Variants in PSMF1 observed in about 807,000 individuals in gnomAD.
PSMF1 encodes proteasome inhibitor PI31 subunit.
A neutral mutation model predicts 29.3 loss-of-function variants in PSMF1; 30 were observed. The observed-to-expected ratio is 1.02, with a 90% confidence interval of 0.77 to 1.39. The LOEUF (loss-of-function observed/expected upper bound fraction) is 1.39. Among genes scored for constraint, PSMF1 ranks in the 40% most tolerant of loss-of-function variants. PSMF1 has a pLI of 0.00. For missense variants in PSMF1, 344 were observed against 357.5 expected, an observed-to-expected ratio of 0.96 and a Z score of 0.31; for synonymous variants, 134 against 139.7, an observed-to-expected ratio of 0.96 and a Z score of 0.29.
chr20:1,116,414 T>C (rs2086012418), upstream of PSMF1, among the ~76,000 whole-genome samples: 1 of 152,178 alleles, frequency 6.6e-6, no homozygotes, highest in South Asian at 2.1e-4. Context: ...CATGCACTCT[T>C]CCTCAGACCT....
chr20:1,146,911 AG>A (rs1346794898), intron 4 of PSMF1, among the ~76,000 whole-genome samples: 2 of 152,352 alleles, frequency 1.3e-5, no homozygotes, highest in Non-Finnish European at 2.9e-5. Flanking sequence ...AAAAATATTC[AG>A]TGGATGCCCA....
At chr20:1,133,509 A>AT (rs1166838526) in intron 3 of PSMF1, among the ~76,000 whole-genome samples, 2 of 136,278 alleles carry the variant, frequency 1.5e-5, no homozygotes, top group Admixed American at 7.7e-5. Context: ...TTTGTTGAGG[A>AT]TTTTTTTTGT....
rs1483263981 is a variant in PSMF1 at position 1,122,282 on chromosome 20, T to C, written c.130-3216T>C. On this transcript the variant is annotated intron_variant, in intron 1 of 6. Transcript: ENST00000335877. Reference sequence around the variant, plus strand: ...CAGGCCTTAGAGTTTTCTTTTCTTTTTCTTTTTCTTTTCTTTTTTTTTTTT... The same window carrying C: ...CAGGCCTTAGAGTTTTCTTTTCTTTCTCTTTTTCTTTTCTTTTTTTTTTTT... Among the ~76,000 whole-genome samples the C allele has an allele frequency of 2.9e-5, 4 of 136,552 alleles. No homozygotes were observed. In the East Asian group the frequency reaches 8.1e-4, roughly 28 times the overall value. The allele number at this position is 136,552 out of a possible 152,430, so 89.6% of individuals were successfully genotyped here.
chr20:1,125,826 A>C (rs569269682), intron 2 of PSMF1, 176 bp downstream of exon 2: 25 of 846,324 alleles, frequency 3.0e-5, no homozygotes, highest in Non-Finnish European at 1.2e-5. Context: ...ACCTTCGTGC[A>C]CAAAGGTATC....
intron 3 of PSMF1, among the ~76,000 whole-genome samples, chr20:1,129,579 C>T (rs930152977): frequency 2.0e-5 from 3 of 152,224 alleles, no homozygotes; most frequent in African/African-American, 7.2e-5. Context: ...TTGGACCAGT[C>T]TTTCAGACAT....
At chr20:1,125,367 A>T in intron 1 of PSMF1, 131 bp from the exon 2 acceptor site, 1 of 999,130 alleles carries the variant, frequency 1.0e-6, no homozygotes, top group South Asian at 2.0e-5. Context: ...ATCTTGGGCA[A>T]GTCATTTCTC....
At position 1,135,399 on chromosome 20, in the gene PSMF1, C is replaced by T. The variant is rs769355681; in HGVS notation, c.551+93C>T. Reference sequence around the variant, plus strand: ...CTGCCACTTGACCCCATCCCTGGCCCGTATGTGTTTTCAACAAAATGATCA... The same window carrying T: ...CTGCCACTTGACCCCATCCCTGGCCTGTATGTGTTTTCAACAAAATGATCA... On this transcript the variant is annotated intron_variant, in intron 4 of 6. Transcript: ENST00000335877. 26 of 1,311,898 alleles carry T rather than the reference C, an allele frequency of 2.0e-5. No individual in the cohort carries two copies. In the South Asian group the frequency reaches 2.5e-4, roughly 13 times the overall value. The allele number at this position is 1,311,898 out of a possible 1,614,324, so 81.3% of individuals were successfully genotyped here. A position where few individuals can be genotyped will look rare whatever the true frequency, so the allele number is the denominator to read the frequency against.
chr20:1,159,347 G>C (rs1407039410), intron 4 of PSMF1, among the ~76,000 whole-genome samples: 1 of 151,804 alleles, frequency 6.6e-6, no homozygotes, highest in Non-Finnish European at 1.5e-5. Flanking sequence ...GGCCTTTAGA[G>C]ACATGGTTTT....
chr20:1,131,605 C>A (rs1019276941), intron 3 of PSMF1, among the ~76,000 whole-genome samples: 1 of 152,236 alleles, frequency 6.6e-6, no homozygotes, highest in African/African-American at 2.4e-5. Flanking sequence ...CTATGCCTTT[C>A]AGCCATAGCT....
intron 3 of PSMF1, among the ~76,000 whole-genome samples, chr20:1,130,921 T>C (rs1330801428): frequency 6.6e-6 from 1 of 152,262 alleles, no homozygotes; most frequent in Non-Finnish European, 1.5e-5. Flanking sequence ...TTAGGGTTGG[T>C]CTTCCCTCCT....
In PSMF1 at chr20:1,125,653, G is replaced by A. The variant is rs200665496; in HGVS notation, c.282+3G>A. On this transcript the variant is annotated splice_donor_region_variant and intron_variant, in intron 2 of 6. Coordinates refer to ENST00000335877, the MANE Select transcript of PSMF1 (RefSeq NM_006814.5). ...GCAGCATGATCCTCAATGTGCTGGT[G>A]AGTCTCTGGGACACGTGAGTCTGCT... The A allele has an allele frequency of 6.8e-6, 11 of 1,608,210 alleles. No individual in the cohort carries two copies. The highest frequency in any genetic ancestry group is 8.5e-6 in the Non-Finnish European group (10 of 1,177,476).
At chr20:1,146,266 T>C (rs2086448649) in intron 4 of PSMF1, among the ~76,000 whole-genome samples, 1 of 152,106 alleles carries the variant, frequency 6.6e-6, no homozygotes, top group Non-Finnish European at 1.5e-5. Flanking sequence ...TGCCTTTTCA[T>C]GTGTCTGAAT....
At chr20:1,151,270 A>G (rs2086527200) in intron 4 of PSMF1, among the ~76,000 whole-genome samples, 1 of 152,218 alleles carries the variant, frequency 6.6e-6, no homozygotes, top group South Asian at 2.1e-4. Flanking sequence ...TGAGATTGGT[A>G]AGGGCTATCC....
intron 4 of PSMF1, among the ~76,000 whole-genome samples, chr20:1,152,892 T>C (rs2086549116): frequency 6.6e-6 from 1 of 152,236 alleles, no homozygotes; most frequent in African/African-American, 2.4e-5. Context: ...AATGCTTCAG[T>C]AGACATACTT....
At chr20:1,136,271 C>A (rs1017754073) in intron 4 of PSMF1, among the ~76,000 whole-genome samples, 9 of 152,060 alleles carry the variant, frequency 5.9e-5, no homozygotes, top group African/African-American at 2.2e-4. Context: ...TGCCTGAGTT[C>A]GCCAGCCACT....
At chr20:1,150,953 G>A (rs1024729804) in intron 4 of PSMF1, among the ~76,000 whole-genome samples, 1 of 152,094 alleles carries the variant, frequency 6.6e-6, no homozygotes, top group African/African-American at 2.4e-5. Context: ...TGTGTGGTGT[G>A]AGATTTATAT....
Position 1,164,179 on chromosome 20 carries a change from C to T in PSMF1, c.606-139C>T. Reference sequence around the variant, plus strand: ...CCCTTGCCCACTTTCCGCTGGCTCTCAGGCAGCCATCCACATGTCTGCTTG... The same window carrying T: ...CCCTTGCCCACTTTCCGCTGGCTCTTAGGCAGCCATCCACATGTCTGCTTG... On this transcript the variant is annotated intron_variant, in intron 5 of 6. Transcript: ENST00000335877. This position sits in a 1 kb window ranked among gnomAD's most constrained non-coding sequence, Gnocchi z 4.1. 1 of 871,754 alleles carries T rather than the reference C, an allele frequency of 1.1e-6. No homozygotes were observed. The highest frequency in any genetic ancestry group is 1.9e-6 in the Non-Finnish European group (1 of 533,596). 54.0% of individuals were successfully genotyped at this position (871,754 alleles called of 1,614,324 possible). A position where few individuals can be genotyped will look rare whatever the true frequency, so the allele number is the denominator to read the frequency against.
At chr20:1,161,781 A>C in intron 4 of PSMF1, 2 of 385,006 alleles carry the variant, frequency 5.2e-6, no homozygotes, top group Non-Finnish European at 9.7e-6. Context: ...TATACACCTC[A>C]TGCCAGCCTC....
intron 4 of PSMF1, among the ~76,000 whole-genome samples, chr20:1,151,951 A>T (rs924085159): frequency 3.3e-5 from 5 of 152,188 alleles, no homozygotes; most frequent in African/African-American, 1.2e-4. Context: ...GGGAGAAAAG[A>T]TGAACATGAG....
Sources: gnomAD v4.1 joint callset for allele counts (sites outside exome capture counted in the v4.1 genomes callset) on GRCh38, gnomAD v4.1.1 for gene constraint, Gnocchi (gnomAD v3.1) non-coding constraint, MANE v1.5 for transcripts, NCBI Gene and HGNC (gene_info 2026-07-23, HGNC 2026-07-21) for gene names.